Variants in GJC3 observed in about 807,000 individuals in gnomAD.
GJC3 encodes gap junction protein gamma 3.
In GJC3, 17 loss-of-function variants were observed where a neutral mutation model predicts 19.8. That is an observed-to-expected ratio of 0.86 (90% CI 0.59 to 1.29). The LOEUF (loss-of-function observed/expected upper bound fraction) is 1.29. Among genes scored for constraint, GJC3 ranks in the 50% most tolerant of loss-of-function variants. The pLI, the probability that GJC3 is intolerant of heterozygous loss-of-function variation, is 0.00. For missense variants in GJC3, 317 were observed against 332.5 expected (o/e 0.95, Z 0.36); for synonymous variants, 140 against 136.5 (o/e 1.03, Z -0.18).
Position 99,929,488 on chromosome 7 carries a change from C to CAT in GJC3, c.131_132dup (p.Gly45MetfsTer56), listed in dbSNP as rs765875142. On this transcript the variant is annotated frameshift_variant, in exon 1 of 2. Coordinates refer to ENST00000312891, the MANE Select transcript of GJC3 (RefSeq NM_181538.3). LOFTEE classifies it high-confidence loss of function. Reference sequence around the variant, plus strand: ...CACACGAATTCACTCTGCTCATCACCATAGACTCCAGGCCCACTGGCAGCC... The same window carrying CAT: ...CACACGAATTCACTCTGCTCATCACCATATAGACTCCAGGCCCACTGGCAGCC... 3.7e-5 allele frequency: 59 copies of CAT among 1,614,014 alleles called. No homozygotes were observed. Among genetic ancestry groups the CAT allele is most frequent in the Non-Finnish European group, 4.8e-5 (57 of 1,180,032 alleles).
Position 99,928,988 on chromosome 7 carries a change from C to A in GJC3, c.633G>T (p.Val211=). Residue 211 remains valine (V), a synonymous_variant, in exon 1 of 2, where the codon GTG becomes GTT. Transcript: ENST00000312891. ...TCCACCATCTCCCCAAACCCAGAAG[C>A]ACAAGCTCCAAAAAAGTAAACAAGA... ...FCLLFTFLEL[V]LLGLGRWWRT... 1 of 1,614,158 alleles carries A rather than the reference C, an allele frequency of 6.2e-7. No homozygotes were observed. The highest frequency in any genetic ancestry group is 1.1e-5 in the South Asian group (1 of 91,084).
intron 1 of GJC3, among the ~76,000 whole-genome samples, chr7:99,925,973 C>T (rs1384004752): frequency 6.6e-6 from 1 of 152,184 alleles, no homozygotes; most frequent in Admixed American, 6.5e-5. Context: ...CGTGGAGTTT[C>T]CTTATGACCC....
Position 99,929,279 on chromosome 7 carries a change from GGTC to G in GJC3, c.339_341del (p.Glu113_Thr114delinsAsp). On this transcript the variant is annotated inframe_deletion, in exon 1 of 2. Coordinates refer to ENST00000312891, the MANE Select transcript of GJC3 (RefSeq NM_181538.3). ...TGTTGCCCTCCCGTCCCTGGATCAG[GGTC>G]TCCTCCTCCTTCCCCTTTCCTGATA... 3 of 1,614,156 alleles carry G rather than the reference GGTC, an allele frequency of 1.9e-6. No individual in the cohort carries two copies. The highest frequency in any genetic ancestry group is 2.5e-6 in the Non-Finnish European group (3 of 1,180,040).
At chr7:99,929,737 C>A, upstream of GJC3, 2 of 892,938 alleles carry the variant, frequency 2.2e-6, no homozygotes, top group Non-Finnish European at 3.5e-6. Context: ...TTTTATTCCT[C>A]TCCAAGTATC....
chr7:99,929,124 G>A lies in GJC3; in HGVS notation c.497C>T (p.Ser166Phe). ...YHLYGFQMPS[S>F]FACRREPCLG... The stretch of plus-strand genomic sequence containing the variant: ...GCAAGGTTCTCGGCGACATGCAAAG[G>A]AGCTGGGCATCTGGAACCCATACAG... Residue 166 changes from serine to phenylalanine, a missense_variant, in exon 1 of 2, where the codon TCC (serine) becomes TTC (phenylalanine). Coordinates refer to ENST00000312891, the MANE Select transcript of GJC3 (RefSeq NM_181538.3). 1 of 1,613,886 alleles carries A rather than the reference G, an allele frequency of 6.2e-7. No individual in the cohort carries two copies. The highest frequency in any genetic ancestry group is 8.5e-7 in the Non-Finnish European group (1 of 1,180,010).
chr7:99,929,453 C>G lies in GJC3; in HGVS notation c.168G>C (p.Gln56His), dbSNP rs200219896. Residue 56 changes from glutamine (Q) to histidine (H), a missense_variant, in exon 1 of 2, where the codon CAG becomes CAC. Coordinates refer to ENST00000312891, the MANE Select transcript of GJC3 (RefSeq NM_181538.3). ...AGCAGGCAGCCTTGCAGCCCGGCTG[C>G]TGGGTGTGACACACGAATTCACTCT... is the stretch of plus-strand genomic sequence containing the variant. ...DEQSEFVCHT[Q>H]QPGCKAACFD... 6.2e-7 allele frequency: 1 copy of G among 1,613,614 alleles called. No individual in the cohort carries two copies. The highest frequency in any genetic ancestry group is 1.7e-5 in the Admixed American group (1 of 60,028).
intron 1 of GJC3, among the ~76,000 whole-genome samples, chr7:99,923,955 C>A (rs574970808): frequency 1.3e-5 from 2 of 152,142 alleles, no homozygotes; most frequent in African/African-American, 2.4e-5. Flanking sequence ...TCTCAACTCA[C>A]GTTGGGAAAA....
Position 99,929,346 on chromosome 7 carries a change from A to G in GJC3, c.275T>C (p.Met92Thr). The change falls in exon 1 of 2, where the codon ATG becomes ACG. Residue 92 changes from methionine to threonine, a missense_variant. By Grantham distance (81) the Met-to-Thr change is moderately conservative. Coordinates refer to ENST00000312891, the MANE Select transcript of GJC3 (RefSeq NM_181538.3). Reference sequence around the variant, plus strand: ...GATCACGTGATACAGAGTGAAACCCATATAGAGGGCGCTGGGTACAGCCAC... The same window carrying G: ...GATCACGTGATACAGAGTGAAACCCGTATAGAGGGCGCTGGGTACAGCCAC... ...ILVAVPSALYMGFTLYHVIWH... is the reference protein window; with the variant it reads ...ILVAVPSALYTGFTLYHVIWH... The G allele has an allele frequency of 1.2e-6, 2 of 1,614,138 alleles. No homozygotes were observed. The highest frequency in any genetic ancestry group is 1.7e-6 in the Non-Finnish European group (2 of 1,180,018).
chr7:99,928,891 C>A lies in GJC3; in HGVS notation c.730G>T (p.Ala244Ser). The part of the protein sequence containing the change: ...TSESTRRHKK[A>S]TDSLPVVETK... ...TCCACCACTGGGAGGCTATCGGTTGCTTTCTTGTGTCTTCTGGTGCTCTCT... is the reference window on the plus strand; with the variant it reads ...TCCACCACTGGGAGGCTATCGGTTGATTTCTTGTGTCTTCTGGTGCTCTCT... The change falls in exon 1 of 2, where the codon GCA becomes TCA. Residue 244 changes from alanine (A) to serine (S), a missense_variant. By Grantham distance (99) the Ala-to-Ser change is moderately conservative (BLOSUM62 1). Coordinates refer to ENST00000312891, the MANE Select transcript of GJC3 (RefSeq NM_181538.3). 2 of 1,614,158 alleles carry A rather than the reference C, an allele frequency of 1.2e-6. No homozygotes were observed. The highest frequency in any genetic ancestry group is 1.7e-6 in the Non-Finnish European group (2 of 1,180,018).
chr7:99,926,334 A>C (rs77942944), intron 1 of GJC3, among the ~76,000 whole-genome samples: 9 of 130,440 alleles, frequency 6.9e-5, no homozygotes, highest in South Asian at 4.5e-4. Flanking sequence ...ACTCCATCCC[A>C]AAAAAAAAAA....
At position 99,928,780 on chromosome 7, in the gene GJC3, C is replaced by G. The variant is rs181056047; in HGVS notation, c.781+60G>C. 11,665 of 1,532,332 alleles carry G rather than the reference C, an allele frequency of 7.6e-3. 66 individuals carry two copies. The highest frequency in any genetic ancestry group is 8.5e-3 in the Non-Finnish European group (9,402 of 1,106,156). The allele number at this position is 1,532,332 out of a possible 1,614,324, so 94.9% of individuals were successfully genotyped here. ...TTCCCAGAAAGGTGAGGGACCTGCC[C>G]CGGGAGGAGATCATCAGGACACAAA... On this transcript the variant is annotated intron_variant, in intron 1 of 1. Transcript: ENST00000312891.
chr7:99,923,665 A>G, intron 1 of GJC3, 62 bp from the exon 2 acceptor site: 3 of 761,892 alleles, frequency 3.9e-6, no homozygotes, highest in South Asian at 1.4e-5. Context: ...CACAGTGCGT[A>G]CCCAAAACCC....
chr7:99,924,460 C>T (rs1431230027), intron 1 of GJC3, among the ~76,000 whole-genome samples: 2 of 152,114 alleles, frequency 1.3e-5, no homozygotes, highest in East Asian at 1.9e-4. Context: ...TGGTGGTGCA[C>T]GCCTGTAATC....
At position 99,923,549 on chromosome 7, in the gene GJC3, G is replaced by T; in HGVS notation, c.836C>A (p.Ala279Asp). The T allele has an allele frequency of 3.8e-6, 3 of 780,896 alleles. No homozygotes were observed. Among genetic ancestry groups the T allele is most frequent in the Non-Finnish European group, 4.8e-6 (2 of 418,126 alleles). 48.4% of individuals were successfully genotyped at this position (780,896 alleles called of 1,614,324 possible). ...EKQRPVGPRD[A>D] ...TGGCCAAAGTTCATCTCCAACTCAG[G>T]CATCTCTGGGTCCAACTGGTCTTTG... The change falls in exon 2 of 2, where the codon GCC becomes GAC. Residue 279 changes from alanine to aspartate, a missense_variant. Ala to Asp is a moderately radical substitution (Grantham distance 126). Coordinates refer to ENST00000312891, the MANE Select transcript of GJC3 (RefSeq NM_181538.3).
At chr7:99,924,806 G>T (rs577061324) in intron 1 of GJC3, among the ~76,000 whole-genome samples, 1 of 152,254 alleles carries the variant, frequency 6.6e-6, no homozygotes, top group African/African-American at 2.4e-5. Flanking sequence ...TGACATCTGT[G>T]TCCCTTTGAC....
chr7:99,925,724 T>C (rs1414384972), intron 1 of GJC3, among the ~76,000 whole-genome samples: 1 of 152,162 alleles, frequency 6.6e-6, no homozygotes. Flanking sequence ...GGGAAAAGGA[T>C]TTGAATAGAC....
chr7:99,928,691 G>C, intron 1 of GJC3, 149 bp downstream of exon 1: 1 of 703,258 alleles, frequency 1.4e-6, no homozygotes, highest in Non-Finnish European at 2.5e-6. Context: ...AGGGTTGGGA[G>C]TGGCGGTCAG....
intron 1 of GJC3, among the ~76,000 whole-genome samples, chr7:99,926,197 G>C (rs902517364): frequency 1.3e-5 from 2 of 152,130 alleles, no homozygotes; most frequent in African/African-American, 4.8e-5. Context: ...AGCTGGGTGT[G>C]GTGGTGCGCA....
In GJC3 at chr7:99,928,981, C is replaced by G. The variant is rs1396790711; in HGVS notation, c.640G>C (p.Gly214Arg). 6.2e-7 allele frequency: 1 copy of G among 1,614,144 alleles called. No homozygotes were observed. The highest frequency in any genetic ancestry group is 1.1e-5 in the South Asian group (1 of 91,076). ...CAGGTCCTCCACCATCTCCCCAAACCCAGAAGCACAAGCTCCAAAAAAGTA... is the reference window on the plus strand; with the variant it reads ...CAGGTCCTCCACCATCTCCCCAAACGCAGAAGCACAAGCTCCAAAAAAGTA... ...LFTFLELVLL[G>R]LGRWWRTWKH... The change falls in exon 1 of 2, where the codon GGT becomes CGT. Residue 214 changes from glycine to arginine, a missense_variant. By Grantham distance (125) the Gly-to-Arg change is moderately radical. Coordinates refer to ENST00000312891, the MANE Select transcript of GJC3 (RefSeq NM_181538.3).
Sources: gnomAD v4.1 joint callset for allele counts (sites outside exome capture counted in the v4.1 genomes callset) on GRCh38, gnomAD v4.1.1 for gene constraint, MANE v1.5 for transcripts, NCBI Gene and HGNC (gene_info 2026-07-23, HGNC 2026-07-21) for gene names.